The following FBXL17 variants were observed in gnomAD, a reference collection of about 807,000 sequenced individuals.
FBXL17 encodes F-box and leucine rich repeat protein 17.
Under a neutral mutation model 66.2 loss-of-function variants are expected in FBXL17, and 22 were observed. The ratio of observed to expected loss-of-function variants is 0.33; its 90% confidence interval spans 0.24 to 0.47. FBXL17 has a LOEUF of 0.47. Among genes scored for constraint, FBXL17 ranks in the 20% least tolerant of loss-of-function variants. The probability of loss-of-function intolerance (pLI) is 1.00; values close to 1 mark genes in which losing one functional copy is unlikely to be tolerated. For synonymous variants in FBXL17, 474 were observed against 400.5 expected (o/e 1.18, Z -2.19); for missense variants, 878 against 948.2 (o/e 0.93, Z 0.97).
chr5:108,218,787 C>T (rs543798370), intron 5 of FBXL17, among the ~76,000 whole-genome samples: 7 of 152,100 alleles, frequency 4.6e-5, no homozygotes, highest in Admixed American at 2.6e-4. Context: ...TATTTGTTTT[C>T]TTACTATTGA....
intron 5 of FBXL17, among the ~76,000 whole-genome samples, chr5:108,203,146 G>T (rs1249227199): frequency 6.6e-6 from 1 of 151,804 alleles, no homozygotes; most frequent in Non-Finnish European, 1.5e-5. Flanking sequence ...CAAGTTATGA[G>T]GAACTTTCGT....
chr5:108,001,886 A>C (rs1410593004), intron 7 of FBXL17, among the ~76,000 whole-genome samples: 4 of 152,134 alleles, frequency 2.6e-5, no homozygotes, highest in Non-Finnish European at 5.9e-5. Context: ...ATCCTATTGA[A>C]ATTTTTCCTC....
intron 4 of FBXL17, among the ~76,000 whole-genome samples, chr5:108,301,626 A>G (rs933688934): frequency 6.6e-6 from 1 of 151,844 alleles, no homozygotes; most frequent in African/African-American, 2.4e-5. Flanking sequence ...GAAAAAAGAC[A>G]AACACTGGAC....
At chr5:108,277,860 CAT>C (rs1353913226) in intron 4 of FBXL17, among the ~76,000 whole-genome samples, 4 of 152,158 alleles carry the variant, frequency 2.6e-5, no homozygotes, top group African/African-American at 9.7e-5. Flanking sequence ...GAAATACTAT[CAT>C]GTCTTAAAAA....
intron 7 of FBXL17, among the ~76,000 whole-genome samples, chr5:107,897,909 A>AAAAGAAAG (rs140620990): frequency 2.7e-4 from 41 of 151,056 alleles, no homozygotes; most frequent in East Asian, 7.8e-4. Flanking sequence ...GATATGATAA[A>AAAAGAAAG]AAAGAAAGAA....
At chr5:108,018,277 C>G (rs1191905900) in intron 7 of FBXL17, among the ~76,000 whole-genome samples, 2 of 152,102 alleles carry the variant, frequency 1.3e-5, no homozygotes, top group African/African-American at 4.8e-5. Context: ...GAATATGTTT[C>G]TACTCGTCCA....
intron 6 of FBXL17, among the ~76,000 whole-genome samples, chr5:108,165,820 G>A (rs1423592777): frequency 6.6e-6 from 1 of 152,180 alleles, no homozygotes; most frequent in Non-Finnish European, 1.5e-5. Flanking sequence ...AAGTGGCAGT[G>A]TTTATTAATC....
chr5:107,959,946 C>T (rs1478401316), intron 7 of FBXL17, among the ~76,000 whole-genome samples: 1 of 152,162 alleles, frequency 6.6e-6, no homozygotes, highest in Non-Finnish European at 1.5e-5. Flanking sequence ...TAGATCTGTT[C>T]TCAGTGACTA....
chr5:108,317,548 C>T (rs928612530), intron 4 of FBXL17, among the ~76,000 whole-genome samples: 1 of 150,790 alleles, frequency 6.6e-6, no homozygotes, highest in African/African-American at 2.4e-5. Context: ...TTAATTATCA[C>T]TATTTTTGTA....
chr5:108,005,093 C>CTTTTTTTTTTTTTTTTTT (rs35383958), intron 7 of FBXL17, among the ~76,000 whole-genome samples: 1 of 143,754 alleles, frequency 7.0e-6, no homozygotes. Flanking sequence ...TTTTCAATGA[C>CTTTTTTTTTTTTTTTTTT]TTTTTTTTTT....
chr5:108,370,415 G>GT, intron 1 of FBXL17, among the ~76,000 whole-genome samples: 1 of 152,216 alleles, frequency 6.6e-6, no homozygotes, highest in Non-Finnish European at 1.5e-5. Flanking sequence ...TTCACAACCA[G>GT]TTTTTCCTCC....
At position 108,380,944 on chromosome 5, in the gene FBXL17, C is replaced by A; in HGVS notation, c.748G>T (p.Ala250Ser). The change falls in exon 1 of 9, where the codon GCC becomes TCC. Residue 250 changes from alanine (A) to serine (S), a missense_variant. Physicochemically the swap from Ala to Ser is moderately conservative, Grantham distance 99. Around this residue, in one of 4 missense-constraint regions of FBXL17, gnomAD observed 605 missense variants for 509.5 expected, o/e 1.19. Coordinates refer to ENST00000542267, the MANE Select transcript of FBXL17 (RefSeq NM_001163315.3). ...AGCGGCTGCGGGGGCTGCTCCGGGG[C>A]CTGGCAGCAGCCGGCGTCGGGGGGC... Reference protein sequence around the residue: ...PRPPDAGCCQAPEQPPQPLCP... With the variant: ...PRPPDAGCCQSPEQPPQPLCP... 8.2e-7 allele frequency: 1 copy of A among 1,222,230 alleles called. No individual in the cohort carries two copies. The highest frequency in any genetic ancestry group is 1.0e-6 in the Non-Finnish European group (1 of 980,274). 75.7% of individuals were successfully genotyped at this position (1,222,230 alleles called of 1,614,324 possible). A position where few individuals can be genotyped will look rare whatever the true frequency, so the allele number is the denominator to read the frequency against.
intron 6 of FBXL17, among the ~76,000 whole-genome samples, chr5:108,177,256 A>G (rs1397370636): frequency 6.6e-6 from 1 of 152,216 alleles, no homozygotes; most frequent in Non-Finnish European, 1.5e-5. Context: ...AAAATTTTCT[A>G]CTTTTCCTCA....
intron 6 of FBXL17, among the ~76,000 whole-genome samples, chr5:108,149,348 G>T (rs931914180): frequency 5.9e-5 from 9 of 152,038 alleles, no homozygotes; most frequent in Non-Finnish European, 7.4e-5. Context: ...TACATTTAGA[G>T]AAATTATCTG....
At chr5:108,322,741 T>C (rs544396688) in intron 4 of FBXL17, among the ~76,000 whole-genome samples, 8 of 152,088 alleles carry the variant, frequency 5.3e-5, no homozygotes, top group South Asian at 2.1e-4. Flanking sequence ...AATAATTTAA[T>C]AGATGTTTCC....
chr5:108,352,898 T>C (rs925792061), intron 3 of FBXL17, among the ~76,000 whole-genome samples: 3 of 152,168 alleles, frequency 2.0e-5, no homozygotes, highest in Non-Finnish European at 2.9e-5. Context: ...GGAGAAATCC[T>C]GTGAAGTGCC....
chr5:107,901,519 G>A (rs1210582684), intron 7 of FBXL17, among the ~76,000 whole-genome samples: 1 of 152,136 alleles, frequency 6.6e-6, no homozygotes, highest in East Asian at 1.9e-4. Context: ...AAACCCCAAT[G>A]CCTAACGGGC....
chr5:108,375,305 C>G (rs1580923700), intron 1 of FBXL17, among the ~76,000 whole-genome samples: 1 of 151,718 alleles, frequency 6.6e-6, no homozygotes, highest in East Asian at 1.9e-4. Context: ...GCTGCACTTC[C>G]ATTTACATAG....
chr5:108,029,129 A>C (rs1304415563), intron 6 of FBXL17, among the ~76,000 whole-genome samples: 3 of 152,070 alleles, frequency 2.0e-5, no homozygotes, highest in African/African-American at 4.8e-5. Flanking sequence ...AAAACTAATA[A>C]AAAAATTTTA....
Sources: allele counts gnomAD v4.1 joint callset (sites outside exome capture counted in the v4.1 genomes callset), GRCh38; gene constraint gnomAD v4.1.1; regional missense constraint gnomAD v4.1.1; transcripts MANE v1.5; gene names NCBI Gene and HGNC (gene_info 2026-07-23, HGNC 2026-07-21).